The following CFAP95 variants were observed in gnomAD, a reference collection of about 807,000 sequenced individuals.
The protein encoded by CFAP95 is cilia- and flagella-associated protein 95.
the CFAP95 span, among the ~76,000 whole-genome samples, chr9:69,828,743 G>GA: frequency 3.3e-5 from 5 of 152,080 alleles, no homozygotes; most frequent in African/African-American, 1.2e-4. Flanking sequence ...AAAAGAGAGT[G>GA]AAAAAATATT....
chr9:69,905,854 C>A, the CFAP95 span: 1 of 897,582 alleles, frequency 1.1e-6, no homozygotes, highest in African/African-American at 1.7e-5. Context: ...AAAAATTAAC[C>A]TTCAATCATA....
chr9:69,885,969 C>T, the CFAP95 span, among the ~76,000 whole-genome samples: 15 of 152,032 alleles, frequency 9.9e-5, no homozygotes, highest in Admixed American at 4.6e-4. Context: ...AACTGCAGTC[C>T]GAAAATATTA....
chr9:69,896,180 A>G, the CFAP95 span, among the ~76,000 whole-genome samples: 3 of 152,220 alleles, frequency 2.0e-5, no homozygotes, highest in Non-Finnish European at 4.4e-5. Flanking sequence ...AACAGTGGCA[A>G]AGGTAAATGT....
At chr9:69,901,218 A>G in the CFAP95 span, among the ~76,000 whole-genome samples, 22,733 of 151,302 alleles carry the variant, frequency 0.15, 2,028 homozygotes, top group South Asian at 0.26. Context: ...GCTCACTGCA[A>G]GCTCCGCCCC....
At chr9:69,857,581 G>A in the CFAP95 span, among the ~76,000 whole-genome samples, 1 of 152,180 alleles carries the variant, frequency 6.6e-6, no homozygotes, top group South Asian at 2.1e-4. Flanking sequence ...CTGGAGGACA[G>A]TGGCGTGATC....
At chr9:69,873,285 C>T in the CFAP95 span, among the ~76,000 whole-genome samples, 906 of 152,256 alleles carry the variant, frequency 6.0e-3, 3 homozygotes, top group Non-Finnish European at 0.011. Flanking sequence ...GAGTGAGATC[C>T]TGTCTCCAAT....
At chr9:69,905,586 TATAAC>T in the CFAP95 span, among the ~76,000 whole-genome samples, 1 of 152,186 alleles carries the variant, frequency 6.6e-6, no homozygotes, top group Non-Finnish European at 1.5e-5. Flanking sequence ...TTGCAATGGT[TATAAC>T]ATATTTTTAA....
the CFAP95 span, among the ~76,000 whole-genome samples, chr9:69,847,428 T>C: frequency 1.3e-5 from 2 of 152,190 alleles, no homozygotes; most frequent in African/African-American, 4.8e-5. Context: ...CTATTGTTCT[T>C]CTCTGGCTCT....
the CFAP95 span, among the ~76,000 whole-genome samples, chr9:69,829,248 C>G: frequency 6.6e-6 from 1 of 152,092 alleles, no homozygotes; most frequent in Admixed American, 6.6e-5. Context: ...TTTTATTTTT[C>G]AAGATGAAAT....
the CFAP95 span, among the ~76,000 whole-genome samples, chr9:69,855,854 A>C: frequency 6.6e-6 from 1 of 152,196 alleles, no homozygotes; most frequent in Non-Finnish European, 1.5e-5. Flanking sequence ...CAGAAAGTCT[A>C]GTGGTATTAA....
the CFAP95 span, among the ~76,000 whole-genome samples, chr9:69,856,151 C>T: frequency 2.6e-5 from 4 of 151,968 alleles, no homozygotes; most frequent in Admixed American, 2.6e-4. Context: ...GCTGTATGAC[C>T]GAGAGTGAAT....
At chr9:69,905,740 C>T in the CFAP95 span, among the ~76,000 whole-genome samples, 1 of 151,910 alleles carries the variant, frequency 6.6e-6, no homozygotes, top group Non-Finnish European at 1.5e-5. Flanking sequence ...TATAAACAAC[C>T]ATGAATTATA....
At chr9:69,842,246 A>C in the CFAP95 span, among the ~76,000 whole-genome samples, 1 of 152,182 alleles carries the variant, frequency 6.6e-6, no homozygotes, top group Non-Finnish European at 1.5e-5. Flanking sequence ...TGGCAAGCCC[A>C]GGAGGATGGA....
chr9:69,870,173 T>C, the CFAP95 span, among the ~76,000 whole-genome samples: 7 of 151,620 alleles, frequency 4.6e-5, no homozygotes. Flanking sequence ...TTGTCCCACA[T>C]ATCTGAGTTA....
chr9:69,829,471 A>G, the CFAP95 span, among the ~76,000 whole-genome samples: 2 of 152,236 alleles, frequency 1.3e-5, no homozygotes, highest in Non-Finnish European at 2.9e-5. Flanking sequence ...CAAAGTATAC[A>G]GAAGAGGCAT....
chr9:69,898,588 G>A, the CFAP95 span, among the ~76,000 whole-genome samples: 1 of 152,194 alleles, frequency 6.6e-6, no homozygotes, highest in South Asian at 2.1e-4. Flanking sequence ...ATAGTTCAAT[G>A]TGTATCTCCT....
the CFAP95 span, among the ~76,000 whole-genome samples, chr9:69,831,309 G>A: frequency 6.6e-6 from 1 of 152,056 alleles, no homozygotes; most frequent in Non-Finnish European, 1.5e-5. Flanking sequence ...TAAATAACTT[G>A]TCACAATTTT....
At chr9:69,879,675 G>A in the CFAP95 span, among the ~76,000 whole-genome samples, 10 of 152,170 alleles carry the variant, frequency 6.6e-5, no homozygotes, top group Non-Finnish European at 1.2e-4. Flanking sequence ...GGCTGAAACT[G>A]TTTAAAGGTC....
the CFAP95 span, among the ~76,000 whole-genome samples, chr9:69,891,160 G>A: frequency 6.6e-6 from 1 of 152,234 alleles, no homozygotes; most frequent in South Asian, 2.1e-4. Flanking sequence ...ACAATACATG[G>A]ACAAGGCGTC....
Sources: gnomAD v4.1 joint callset for allele counts (sites outside exome capture counted in the v4.1 genomes callset) on GRCh38, gnomAD v4.1.1 for gene constraint, MANE v1.5 for transcripts, NCBI Gene and HGNC (gene_info 2026-07-23, HGNC 2026-07-21) for gene names.